Variants in ANO2 observed in about 807,000 individuals in gnomAD.
The protein encoded by ANO2 is anoctamin-2.
ANO2 carries 101 observed loss-of-function variants against 124.2 expected under a neutral mutation model. The observed-to-expected ratio is 0.81, with a 90% confidence interval of 0.69 to 0.96. ANO2 has a LOEUF of 0.96. Ranked by LOEUF, ANO2 falls within the 40% of genes least tolerant of loss-of-function variation. ANO2 has a pLI of 0.00. For missense variants in ANO2, 1,293 were observed against 1,274.5 expected (o/e 1.01, Z -0.22); for synonymous variants, 486 against 482.5 (o/e 1.01, Z -0.09).
intron 3 of ANO2, among the ~76,000 whole-genome samples, chr12:5,907,729 C>T (rs1413505270): frequency 2.0e-5 from 3 of 152,194 alleles, no homozygotes; most frequent in Non-Finnish European, 2.9e-5. Flanking sequence ...TGAAGTATTT[C>T]GCCCATGAAC....
intron 14 of ANO2, among the ~76,000 whole-genome samples, chr12:5,670,486 T>C (rs1232950077): frequency 2.0e-5 from 3 of 152,190 alleles, no homozygotes; most frequent in Non-Finnish European, 4.4e-5. Context: ...CACTACATTG[T>C]TTTCCCTATT....
At chr12:5,912,408 T>C (rs1246788994) in intron 3 of ANO2, among the ~76,000 whole-genome samples, 1 of 152,192 alleles carries the variant, frequency 6.6e-6, no homozygotes, top group African/African-American at 2.4e-5. Context: ...CATTAGCTGC[T>C]CTAACCTCCT....
chr12:5,801,795 C>T (rs186697486), intron 9 of ANO2, among the ~76,000 whole-genome samples: 1 of 152,332 alleles, frequency 6.6e-6, no homozygotes, highest in East Asian at 1.9e-4. Flanking sequence ...CTGCTCACTC[C>T]AGGGCAGTGG....
chr12:5,882,115 G>A (rs569819137), intron 3 of ANO2, among the ~76,000 whole-genome samples: 1 of 152,254 alleles, frequency 6.6e-6, no homozygotes, highest in East Asian at 1.9e-4. Context: ...GAGTCATTAA[G>A]AACAGCAAGG....
rs192457119 is a variant in ANO2, at chr12:5,704,682, G to A, written c.1545+27838C>T. 3.3e-4 allele frequency among the ~76,000 whole-genome samples: 48 copies of A among 144,372 alleles called. 1 individual carries two copies. In the East Asian group the frequency reaches 8.1e-3, roughly 24 times the overall value. The allele number at this position is 144,372 out of a possible 152,430, so 94.7% of individuals were successfully genotyped here. A position where few individuals can be genotyped will look rare whatever the true frequency, so the allele number is the denominator to read the frequency against. On this transcript the variant is annotated intron_variant, in intron 14 of 24. Transcript: ENST00000682330. ...CCGTGAGCTTCTTTAGCAAGAGTAAGTGCTTGGTGTGTGTATGTGTGTGTG... is the reference window on the plus strand; with the variant it reads ...CCGTGAGCTTCTTTAGCAAGAGTAAATGCTTGGTGTGTGTATGTGTGTGTG...
chr12:5,824,768 T>C (rs1953904908), intron 7 of ANO2, among the ~76,000 whole-genome samples: 2 of 152,254 alleles, frequency 1.3e-5, no homozygotes, highest in African/African-American at 2.4e-5. Context: ...GATAGAGACA[T>C]ACCCGAGACT....
intron 1 of ANO2, among the ~76,000 whole-genome samples, chr12:5,924,998 C>T (rs528701525): frequency 5.8e-4 from 89 of 152,284 alleles, no homozygotes; most frequent in South Asian, 1.5e-3. Context: ...TGCCCAATCT[C>T]GCCTCCTCCC....
chr12:5,809,174 G>T (rs934163176), intron 7 of ANO2, among the ~76,000 whole-genome samples: 2 of 152,148 alleles, frequency 1.3e-5, no homozygotes, highest in African/African-American at 2.4e-5. Context: ...TCGCTAAGCT[G>T]CAGATTTGTC....
chr12:5,789,024 C>A (rs750525544), intron 10 of ANO2, among the ~76,000 whole-genome samples: 2 of 152,212 alleles, frequency 1.3e-5, no homozygotes, highest in African/African-American at 4.8e-5. Context: ...CGAGACCTAA[C>A]CTTCTTAATC....
chr12:5,755,665 T>C (rs1390757213), intron 10 of ANO2, among the ~76,000 whole-genome samples: 2 of 152,162 alleles, frequency 1.3e-5, no homozygotes, highest in African/African-American at 4.8e-5. Flanking sequence ...GTTTGGTTTT[T>C]TGTCCTTCTG....
intron 14 of ANO2, among the ~76,000 whole-genome samples, chr12:5,711,857 G>T (rs781245788): frequency 2.6e-5 from 4 of 152,120 alleles, no homozygotes; most frequent in Admixed American, 6.5e-5. Flanking sequence ...AAATCAATTA[G>T]CCTAAAAATG....
intron 14 of ANO2, among the ~76,000 whole-genome samples, chr12:5,677,415 G>A (rs1379556232): frequency 6.6e-6 from 1 of 152,146 alleles, no homozygotes; most frequent in Non-Finnish European, 1.5e-5. Context: ...CTCCTTCAAG[G>A]AAAAAGAAAG....
intron 13 of ANO2, among the ~76,000 whole-genome samples, chr12:5,738,427 G>A (rs192967015): frequency 3.9e-4 from 60 of 152,326 alleles, no homozygotes; most frequent in Non-Finnish European, 6.2e-4. Flanking sequence ...GCAACTGAAA[G>A]TGCCTCCTGG....
Position 5,658,599 on chromosome 12 carries a change from CATT to C in ANO2, c.1546-10801_1546-10799del, listed in dbSNP as rs747972851. Among the ~76,000 whole-genome samples the C allele has an allele frequency of 1.3e-4, 20 of 152,022 alleles. No homozygotes were observed. Among genetic ancestry groups the C allele is most frequent in the Non-Finnish European group, 2.2e-4 (15 of 68,012 alleles). On this transcript the variant is annotated intron_variant, in intron 14 of 24. Transcript: ENST00000682330. The surrounding 1 kb of genome is among the most constrained non-coding windows in gnomAD (Gnocchi z 4.3). ...TTGTCATCAATATCATCATCATCAT[CATT>C]ATCATCATTAAATCATCATCAACAT...
intron 1 of ANO2, among the ~76,000 whole-genome samples, chr12:5,938,260 T>C (rs1381927824): frequency 1.3e-5 from 2 of 152,206 alleles, no homozygotes; most frequent in East Asian, 3.8e-4. Flanking sequence ...AGTGGGATCC[T>C]TTCCTCCATG....
intron 14 of ANO2, among the ~76,000 whole-genome samples, chr12:5,688,309 G>A (rs1445924890): frequency 2.0e-5 from 3 of 152,174 alleles, no homozygotes; most frequent in Non-Finnish European, 4.4e-5. Context: ...TGGAGAACGG[G>A]AGGCAAAGGC....
At chr12:5,873,692 A>G (rs914868090) in intron 3 of ANO2, among the ~76,000 whole-genome samples, 1 of 152,198 alleles carries the variant, frequency 6.6e-6, no homozygotes, top group Non-Finnish European at 1.5e-5. Context: ...ATCACTGAAG[A>G]TGCATGGCAC....
chr12:5,798,937 T>C (rs1952955240), intron 10 of ANO2, among the ~76,000 whole-genome samples: 1 of 152,244 alleles, frequency 6.6e-6, no homozygotes, highest in Admixed American at 6.5e-5. Flanking sequence ...TTTTCACTAA[T>C]GTTCAACAGA....
intron 3 of ANO2, among the ~76,000 whole-genome samples, chr12:5,898,690 T>G (rs1419167913): frequency 6.6e-6 from 1 of 152,204 alleles, no homozygotes; most frequent in Non-Finnish European, 1.5e-5. Context: ...AAAACTCATC[T>G]GTGATGCTAG....
Sources: allele counts gnomAD v4.1 joint callset (sites outside exome capture counted in the v4.1 genomes callset), GRCh38; gene constraint gnomAD v4.1.1; non-coding constraint Gnocchi (gnomAD v3.1); transcripts MANE v1.5; gene names NCBI Gene and HGNC (gene_info 2026-07-23, HGNC 2026-07-21).